Variants in PIWIL2 observed in about 807,000 individuals in gnomAD.
PIWIL2 encodes the protein piwi like RNA-mediated gene silencing 2.
A neutral mutation model predicts 116.5 loss-of-function variants in PIWIL2; 81 were observed. The ratio of observed to expected loss-of-function variants is 0.70; its 90% confidence interval spans 0.58 to 0.84. The LOEUF is 0.84. PIWIL2 is among the 40% of genes least tolerant of loss of function. PIWIL2 has a pLI of 0.00. For synonymous variants in PIWIL2, 489 were observed against 429.5 expected (o/e 1.14, Z -1.71); for missense variants, 1,272 against 1,212.3 (o/e 1.05, Z -0.73).
chr8:22,306,448 G>A (rs550896462), intron 13 of PIWIL2, among the ~76,000 whole-genome samples: 3 of 152,218 alleles, frequency 2.0e-5, no homozygotes, highest in Non-Finnish European at 2.9e-5. Flanking sequence ...AAATAAGTCA[G>A]GAGATGAGGA....
intron 20 of PIWIL2, among the ~76,000 whole-genome samples, chr8:22,340,493 G>A (rs893372928): frequency 8.6e-5 from 13 of 150,964 alleles, no homozygotes; most frequent in African/African-American, 3.0e-4. Context: ...GATGAGGTAA[G>A]ACCAGATTAG....
rs1830452426 is a variant in PIWIL2, at chr8:22,279,522, G to A, written c.136G>A (p.Gly46Ser). The change falls in exon 2 of 23, where the codon GGC (glycine) becomes AGC (serine). Residue 46 changes from glycine to serine, a missense_variant. By Grantham distance (56) the Gly-to-Ser change is moderately conservative. Transcript: ENST00000356766. Reference protein sequence around the residue: ...DPALGRGAPAGRGHVFGKPEE... With the variant: ...DPALGRGAPASRGHVFGKPEE... ...AGCTCTGGGCAGGGGAGCACCTGCAGGCAGAGGCCATGTATTTGGAAAGCC... is the reference window on the plus strand; with the variant it reads ...AGCTCTGGGCAGGGGAGCACCTGCAAGCAGAGGCCATGTATTTGGAAAGCC... 6.2e-7 allele frequency: 1 copy of A among 1,614,198 alleles called. No individual in the cohort carries two copies. The highest frequency in any genetic ancestry group is 8.5e-7 in the Non-Finnish European group (1 of 1,180,042).
intron 3 of PIWIL2, 69 bp from the exon 4 acceptor site, chr8:22,281,308 A>T: frequency 4.5e-6 from 7 of 1,554,774 alleles, no homozygotes; most frequent in African/African-American, 1.4e-5. Context: ...GCTTTTTTTA[A>T]AAAAAAAAAC....
At chr8:22,325,552 C>G (rs1184529683) in intron 20 of PIWIL2, among the ~76,000 whole-genome samples, 4 of 140,342 alleles carry the variant, frequency 2.9e-5, no homozygotes, top group Non-Finnish European at 4.5e-5. Flanking sequence ...GACGTGATCT[C>G]CATTCACTGC....
At chr8:22,275,987 A>G (rs1011260315) in intron 1 of PIWIL2, 3 of 152,260 alleles carry the variant, frequency 2.0e-5, no homozygotes, top group Admixed American at 6.5e-5. Flanking sequence ...ACAAAGAGGA[A>G]GATTCCAGAT....
chr8:22,310,176 C>T, intron 15 of PIWIL2, 102 bp downstream of exon 15: 1 of 645,946 alleles, frequency 1.5e-6, no homozygotes, highest in Non-Finnish European at 2.8e-6. Context: ...AGGGAAAGTA[C>T]CAATTGAATC....
intron 20 of PIWIL2, among the ~76,000 whole-genome samples, chr8:22,346,628 T>TTTTTGAGAATATTTA (rs1181136201): frequency 2.0e-5 from 3 of 152,310 alleles, no homozygotes; most frequent in Middle Eastern, 3.4e-3. Flanking sequence ...ATTTTTGATA[T>TTTTTGAGAATATTTA]TAGGGCCCCT....
chr8:22,307,475 T>A (rs1006184055), intron 13 of PIWIL2, among the ~76,000 whole-genome samples: 1,272 of 22,038 alleles, frequency 0.058, 56 homozygotes, highest in African/African-American at 0.26. Context: ...TATTATTCAT[T>A]TTTTTTTTTT....
chr8:22,328,779 A>G (rs1258327353), intron 20 of PIWIL2, among the ~76,000 whole-genome samples: 3 of 131,882 alleles, frequency 2.3e-5, no homozygotes, highest in Non-Finnish European at 3.2e-5. Context: ...TTGATCATGT[A>G]CCCTGTAACT....
At chr8:22,319,816 G>C (rs150319770) in intron 20 of PIWIL2, among the ~76,000 whole-genome samples, 1,627 of 152,304 alleles carry the variant, frequency 0.011, 27 homozygotes, top group African/African-American at 0.038. Flanking sequence ...AACTGTGGAA[G>C]TAATGCAGTA....
intron 19 of PIWIL2, 90 bp downstream of exon 19, chr8:22,316,423 G>A (rs1197549395): frequency 6.3e-6 from 5 of 789,650 alleles, no homozygotes; most frequent in East Asian, 2.7e-5. Flanking sequence ...TTAGCATTAT[G>A]TATTACAATA....
intron 20 of PIWIL2, among the ~76,000 whole-genome samples, chr8:22,340,884 T>C (rs1398162779): frequency 1.3e-5 from 2 of 152,130 alleles, no homozygotes; most frequent in Non-Finnish European, 2.9e-5. Flanking sequence ...GCTAATTTTT[T>C]AATTTTTTTG....
chr8:22,330,446 C>G (rs999647905), intron 20 of PIWIL2, among the ~76,000 whole-genome samples: 2 of 152,180 alleles, frequency 1.3e-5, no homozygotes, highest in African/African-American at 2.4e-5. Context: ...CGCCTATAAT[C>G]CCAGTACTTT....
Position 22,310,160 on chromosome 8 carries a change from T to C in PIWIL2, c.1800+86T>C. The C allele has an allele frequency of 5.6e-6, 4 of 713,406 alleles. No individual in the cohort carries two copies. The South Asian group carries it at 7.3e-5, about 13-fold the overall frequency. 44.2% of individuals were successfully genotyped at this position (713,406 alleles called of 1,614,324 possible). A position where few individuals can be genotyped will look rare whatever the true frequency, so the allele number is the denominator to read the frequency against. The stretch of plus-strand genomic sequence containing the variant: ...AAGCAGGAATGATCTAGAGTCTTCT[T>C]TTTTGAGGGAAAGTACCAATTGAAT... On this transcript the variant is annotated intron_variant, in intron 15 of 22. Transcript: ENST00000356766.
At position 22,331,862 on chromosome 8, in the gene PIWIL2, A is replaced by G. The variant is rs57720814; in HGVS notation, c.2403+13587A>G. Among the ~76,000 whole-genome samples, 978 of 152,146 alleles carry G rather than the reference A, an allele frequency of 6.4e-3. 11 individuals are homozygous for G. Among genetic ancestry groups the G allele is most frequent in the African/African-American group, 0.023 (934 of 41,442 alleles). On this transcript the variant is annotated intron_variant, in intron 20 of 22. Coordinates refer to ENST00000356766, the MANE Select transcript of PIWIL2 (RefSeq NM_018068.5). ...CCCATGACCTCATTTAACCTTAAGT[A>G]CCTCTTTTAAGATCTTATGTGTAAA...
chr8:22,308,386 C>G (rs1831241431), intron 14 of PIWIL2, among the ~76,000 whole-genome samples: 1 of 152,014 alleles, frequency 6.6e-6, no homozygotes, highest in Admixed American at 6.5e-5. Flanking sequence ...GGCGTGGTGG[C>G]TCACGCCTGT....
intron 10 of PIWIL2, among the ~76,000 whole-genome samples, chr8:22,300,255 C>G (rs1437951505): frequency 6.6e-6 from 1 of 152,128 alleles, no homozygotes; most frequent in African/African-American, 2.4e-5. Flanking sequence ...AGCAGCCCAC[C>G]CACCCACCTG....
At chr8:22,320,429 A>G (rs1267209434) in intron 20 of PIWIL2, among the ~76,000 whole-genome samples, 1 of 150,992 alleles carries the variant, frequency 6.6e-6, no homozygotes, top group Non-Finnish European at 1.5e-5. Flanking sequence ...CACAAGACCC[A>G]GGTAATTTTT....
chr8:22,290,141 G>A (rs1830725893), intron 9 of PIWIL2, 92 bp from the exon 10 acceptor site: 1 of 764,990 alleles, frequency 1.3e-6, no homozygotes, highest in South Asian at 1.8e-5. Context: ...ATTAGGGAAG[G>A]GCAGTATCAC....
Sources: gnomAD v4.1 joint callset for allele counts (sites outside exome capture counted in the v4.1 genomes callset) on GRCh38, gnomAD v4.1.1 for gene constraint, MANE v1.5 for transcripts, NCBI Gene and HGNC (gene_info 2026-07-23, HGNC 2026-07-21) for gene names.